Variants in DIPK1A observed in about 807,000 individuals in gnomAD.
DIPK1A encodes the protein divergent protein kinase domain 1A, also known as family with sequence similarity 69 member A.
In DIPK1A, 27 loss-of-function variants were observed where a neutral mutation model predicts 40.8. That is an observed-to-expected ratio of 0.66 (90% CI 0.49 to 0.91). The LOEUF is 0.91. Ranked by LOEUF, DIPK1A falls within the 40% of genes least tolerant of loss-of-function variation. The probability of loss-of-function intolerance (pLI) is 0.00; values close to 1 mark genes in which losing one functional copy is unlikely to be tolerated. For synonymous variants in DIPK1A, 166 were observed against 171.3 expected (o/e 0.97, Z 0.24); for missense variants, 412 against 505.7 (o/e 0.81, Z 1.78).
At chr1:92,896,922 C>G (rs894515964) in intron 1 of DIPK1A, among the ~76,000 whole-genome samples, 1 of 151,964 alleles carries the variant, frequency 6.6e-6, no homozygotes, top group African/African-American at 2.4e-5. Flanking sequence ...CATCACTGGC[C>G]ATCAGAGAAA....
At chr1:92,911,356 A>G (rs1649817993) in intron 1 of DIPK1A, among the ~76,000 whole-genome samples, 1 of 152,206 alleles carries the variant, frequency 6.6e-6, no homozygotes, top group Non-Finnish European at 1.5e-5. Context: ...GATTTTCACC[A>G]GACATTGAAT....
intron 1 of DIPK1A, among the ~76,000 whole-genome samples, chr1:92,929,813 T>A (rs1650674210): frequency 6.6e-6 from 1 of 152,196 alleles, no homozygotes; most frequent in African/African-American, 2.4e-5. Flanking sequence ...TGAATTTTTT[T>A]GATTCTTCAT....
At chr1:92,957,016 AAATGTGTAT>A (rs1345964041) in intron 1 of DIPK1A, among the ~76,000 whole-genome samples, 1 of 152,212 alleles carries the variant, frequency 6.6e-6, no homozygotes. Context: ...TTGGAATGGA[AAATGTGTAT>A]AATCTAAGTA....
intron 1 of DIPK1A, among the ~76,000 whole-genome samples, chr1:92,900,189 C>T (rs576853870): frequency 6.6e-6 from 1 of 152,290 alleles, no homozygotes; most frequent in South Asian, 2.1e-4. Context: ...ATTATTTCAT[C>T]AAGTAGGTTT....
At chr1:92,915,084 A>C (rs1650000998) in intron 1 of DIPK1A, among the ~76,000 whole-genome samples, 2 of 24,020 alleles carry the variant, frequency 8.3e-5, no homozygotes, top group African/African-American at 2.4e-4. Flanking sequence ...CAAGACTGTC[A>C]AAAAAAAAAA....
chr1:92,947,000 C>T (rs1489695139), intron 1 of DIPK1A, among the ~76,000 whole-genome samples: 1 of 150,540 alleles, frequency 6.6e-6, no homozygotes, highest in Non-Finnish European at 1.5e-5. Flanking sequence ...GAGCAGTGAT[C>T]TCCAAATTTT....
chr1:92,918,740 G>A (rs900998227), intron 1 of DIPK1A, among the ~76,000 whole-genome samples: 1 of 152,148 alleles, frequency 6.6e-6, no homozygotes, highest in African/African-American at 2.4e-5. Flanking sequence ...CATCAGGGAC[G>A]GGTTTCGTGG....
intron 1 of DIPK1A, among the ~76,000 whole-genome samples, chr1:92,920,447 A>C (rs1650226462): frequency 6.6e-6 from 1 of 152,210 alleles, no homozygotes; most frequent in South Asian, 2.1e-4. Context: ...GAGTCAATTA[A>C]ATCTCTTTCC....
intron 3 of DIPK1A, among the ~76,000 whole-genome samples, chr1:92,850,318 A>C (rs1439657786): frequency 6.6e-6 from 1 of 152,136 alleles, no homozygotes; most frequent in Non-Finnish European, 1.5e-5. Flanking sequence ...ATCTAACATC[A>C]AAGTGCTGAC....
chr1:92,909,442 G>C (rs1649746756), intron 1 of DIPK1A, among the ~76,000 whole-genome samples: 1 of 152,190 alleles, frequency 6.6e-6, no homozygotes, highest in South Asian at 2.1e-4. Flanking sequence ...CCATCCCTGA[G>C]TCATATCTGG....
intron 1 of DIPK1A, among the ~76,000 whole-genome samples, chr1:92,957,006 T>C (rs1221113933): frequency 2.6e-5 from 4 of 152,194 alleles, no homozygotes; most frequent in South Asian, 2.1e-4. Context: ...GGCAGAATGA[T>C]TGGAATGGAA....
intron 1 of DIPK1A, among the ~76,000 whole-genome samples, chr1:92,876,727 C>T (rs1648146163): frequency 6.6e-6 from 1 of 152,180 alleles, no homozygotes; most frequent in African/African-American, 2.4e-5. Context: ...TACCATGCTA[C>T]CCTGGGCACC....
At chr1:92,956,938 A>G (rs77043058) in intron 1 of DIPK1A, among the ~76,000 whole-genome samples, 4,012 of 152,328 alleles carry the variant, frequency 0.026, 183 homozygotes, top group African/African-American at 0.092. Flanking sequence ...ACCCAAGTAC[A>G]TGGGACTTCA....
chr1:92,843,067 C>A lies in DIPK1A; in HGVS notation c.*316G>T. ...CATTGGTATTTTGGCTAAGGTAAATCTACAAATCACTCACTGTTGATGTTT... is the reference window on the plus strand; with the variant it reads ...CATTGGTATTTTGGCTAAGGTAAATATACAAATCACTCACTGTTGATGTTT... On this transcript the variant is annotated 3_prime_UTR_variant, in exon 5 of 5. Transcript: ENST00000370310. The A allele has an allele frequency of 1.9e-6, 2 of 1,030,460 alleles. No homozygotes were observed. The highest frequency in any genetic ancestry group is 5.3e-5 in the Admixed American group (1 of 18,792). 63.8% of individuals were successfully genotyped at this position (1,030,460 alleles called of 1,614,324 possible).
At chr1:92,874,453 A>G (rs1648022991) in intron 2 of DIPK1A, among the ~76,000 whole-genome samples, 1 of 152,224 alleles carries the variant, frequency 6.6e-6, no homozygotes, top group Non-Finnish European at 1.5e-5. Flanking sequence ...AAAAGAACCT[A>G]AGAAGTCCTT....
At chr1:92,949,031 C>T (rs1464040878) in intron 1 of DIPK1A, among the ~76,000 whole-genome samples, 1 of 151,514 alleles carries the variant, frequency 6.6e-6, no homozygotes, top group Non-Finnish European at 1.5e-5. Context: ...GTCTCGAACT[C>T]CTGACCTCAG....
intron 4 of DIPK1A, among the ~76,000 whole-genome samples, chr1:92,835,606 GCTGAGATCACGC>G (rs1336168707): frequency 6.7e-6 from 1 of 148,174 alleles, no homozygotes; most frequent in South Asian, 2.1e-4. Flanking sequence ...GTTGCAGTGA[GCTGAGATCACGC>G]CATTGCACTC....
At chr1:92,894,056 A>G (rs1649044384) in intron 1 of DIPK1A, among the ~76,000 whole-genome samples, 1 of 152,084 alleles carries the variant, frequency 6.6e-6, no homozygotes, top group Admixed American at 6.6e-5. Context: ...TAATAATGGG[A>G]GACTTTAACA....
downstream of DIPK1A, chr1:92,840,869 A>T (rs755116548): frequency 1.6e-6 from 1 of 634,554 alleles, no homozygotes; most frequent in South Asian, 1.5e-5. Context: ...TGGTTACTGC[A>T]TTTTTTTATT....
Sources: allele counts gnomAD v4.1 joint callset (sites outside exome capture counted in the v4.1 genomes callset), GRCh38; gene constraint gnomAD v4.1.1; transcripts MANE v1.5; gene names NCBI Gene and HGNC (gene_info 2026-07-23, HGNC 2026-07-21).